NFIA: variants seen among roughly 807,000 people sequenced by gnomAD.
NFIA encodes nuclear factor I A, also known as nuclear factor 1 A-type.
In NFIA, 8 loss-of-function variants were observed where a neutral mutation model predicts 62.8. The observed-to-expected ratio is 0.13, with a 90% CI of 0.07 to 0.23. The LOEUF is 0.23. NFIA is among the 10% of genes least tolerant of loss of function. The pLI is 1.00. For synonymous variants in NFIA, 235 were observed against 238.1 expected, an observed-to-expected ratio of 0.99 and a Z score of 0.12; for missense variants, 410 against 642.1, an observed-to-expected ratio of 0.64 and a Z score of 3.91.
chr1:61,401,768 TGGG>T (rs1665567074), intron 7 of NFIA, among the ~76,000 whole-genome samples: 1 of 152,160 alleles, frequency 6.6e-6, no homozygotes, highest in Admixed American at 6.5e-5. Context: ...CAGCCTAGTT[TGGG>T]AAATATCACA....
chr1:61,183,613 T>C (rs1354769178), intron 2 of NFIA, among the ~76,000 whole-genome samples: 1 of 152,212 alleles, frequency 6.6e-6, no homozygotes, highest in Non-Finnish European at 1.5e-5. Flanking sequence ...CTTGCTCCTT[T>C]GGCCCCCACT....
intron 3 of NFIA, among the ~76,000 whole-genome samples, chr1:61,286,157 A>G (rs1237071156): frequency 1.3e-5 from 2 of 152,034 alleles, no homozygotes; most frequent in South Asian, 2.1e-4. Context: ...GCCGGGCAGG[A>G]TGGCTCACGC....
chr1:61,157,096 T>C (rs1474550289), intron 2 of NFIA, among the ~76,000 whole-genome samples: 1 of 152,250 alleles, frequency 6.6e-6, no homozygotes, highest in Non-Finnish European at 1.5e-5. Flanking sequence ...GTGACTGTTA[T>C]TTTTCCTAGT....
chr1:61,363,162 A>G (rs560224286), intron 6 of NFIA, among the ~76,000 whole-genome samples: 1 of 152,366 alleles, frequency 6.6e-6, no homozygotes, highest in South Asian at 2.1e-4. Flanking sequence ...AAGCCCACAC[A>G]GATAGTAAAT....
intron 2 of NFIA, among the ~76,000 whole-genome samples, chr1:61,127,772 A>G (rs1366160273): frequency 6.6e-6 from 1 of 152,182 alleles, no homozygotes; most frequent in Non-Finnish European, 1.5e-5. Context: ...GTATCCTTAA[A>G]TTTTTAGTTA....
chr1:61,289,101 T>TTAAGCTCA (rs1658698580), intron 3 of NFIA, among the ~76,000 whole-genome samples: 1 of 152,122 alleles, frequency 6.6e-6, no homozygotes, highest in Admixed American at 6.5e-5. Flanking sequence ...ACCATGCCAA[T>TTAAGCTCA]GGAGAGTCCC....
intron 2 of NFIA, among the ~76,000 whole-genome samples, chr1:61,147,000 T>C (rs1648058755): frequency 6.6e-6 from 1 of 152,126 alleles, no homozygotes; most frequent in South Asian, 2.1e-4. Context: ...GAGCTGTGGA[T>C]TAGTGAATCT....
chr1:61,289,714 TC>T (rs1316090375), intron 3 of NFIA, among the ~76,000 whole-genome samples: 1 of 152,244 alleles, frequency 6.6e-6, no homozygotes, highest in East Asian at 1.9e-4. Flanking sequence ...TAGTTCCTTT[TC>T]CTTCCTCTTG....
intron 6 of NFIA, among the ~76,000 whole-genome samples, chr1:61,361,784 TGTGTGTGTGTG>T (rs1663306330): frequency 2.8e-4 from 1 of 3,568 alleles, no homozygotes; most frequent in African/African-American, 1.0e-3. Context: ...TGGTAAGAGG[TGTGTGTGTGTG>T]TGTGTGTGTG....
chr1:61,172,636 G>T (rs140596940), intron 2 of NFIA, among the ~76,000 whole-genome samples: 54 of 152,294 alleles, frequency 3.5e-4, no homozygotes, highest in African/African-American at 1.2e-3. Flanking sequence ...ACTAGGGAAG[G>T]TCAGCTCTTT....
intron 7 of NFIA, among the ~76,000 whole-genome samples, chr1:61,398,435 A>G (rs553374197): frequency 2.6e-5 from 4 of 152,188 alleles, no homozygotes; most frequent in African/African-American, 9.7e-5. Context: ...TTGATCTCTT[A>G]GAAAATCCCC....
intron 2 of NFIA, among the ~76,000 whole-genome samples, chr1:61,252,230 G>A (rs1401788102): frequency 6.6e-6 from 1 of 152,064 alleles, no homozygotes; most frequent in Non-Finnish European, 1.5e-5. Context: ...TGTTTTCTTT[G>A]TAATATACTG....
chr1:61,206,156 A>G (rs1057195283), intron 2 of NFIA, among the ~76,000 whole-genome samples: 1 of 152,008 alleles, frequency 6.6e-6, no homozygotes, highest in Non-Finnish European at 1.5e-5. Flanking sequence ...CATTTTTAAG[A>G]CAAAATTTTT....
intron 2 of NFIA, among the ~76,000 whole-genome samples, chr1:61,242,395 G>A (rs1655401316): frequency 6.6e-6 from 1 of 152,000 alleles, no homozygotes; most frequent in African/African-American, 2.4e-5. Context: ...CTGAGGAAAT[G>A]GTAATAAGGG....
rs563608695 is a variant in NFIA, at chr1:61,090,819, G to A, written c.559+2139G>A. Among the ~76,000 whole-genome samples, 8 of 152,280 alleles carry A rather than the reference G, an allele frequency of 5.3e-5. No homozygotes were observed. In the East Asian group the frequency reaches 5.8e-4, roughly 11 times the overall value. On this transcript the variant is annotated intron_variant, in intron 2 of 10. Transcript: ENST00000403491. ...CGCAGTAATGGCTGCTTCTCTGTGC[G>A]CGCAACAGGAAGACTGTAAAAGAAA...
chr1:61,152,017 A>T (rs1426481483), intron 2 of NFIA, among the ~76,000 whole-genome samples: 1 of 152,172 alleles, frequency 6.6e-6, no homozygotes, highest in Non-Finnish European at 1.5e-5. Flanking sequence ...CTGTGATAAT[A>T]ACTGAAGATC....
chr1:61,352,353 C>A (rs1224317684), intron 4 of NFIA, 97 bp from the exon 5 acceptor site: 2 of 826,100 alleles, frequency 2.4e-6, no homozygotes, highest in African/African-American at 1.7e-5. Context: ...CATATAAATG[C>A]AAAAAGAAAA....
At chr1:61,257,747 G>T (rs1656504806) in intron 2 of NFIA, among the ~76,000 whole-genome samples, 1 of 151,318 alleles carries the variant, frequency 6.6e-6, no homozygotes, top group Non-Finnish European at 1.5e-5. Flanking sequence ...TCACTCTGTT[G>T]CCAGAACTGG....
At chr1:61,200,014 A>ATG (rs1652323543) in intron 2 of NFIA, among the ~76,000 whole-genome samples, 3 of 3,624 alleles carry the variant, frequency 8.3e-4, no homozygotes, top group Admixed American at 6.6e-3. Context: ...ATATATGTAT[A>ATG]TATATATATA....
Sources: allele counts gnomAD v4.1 joint callset (sites outside exome capture counted in the v4.1 genomes callset), GRCh38; gene constraint gnomAD v4.1.1; transcripts MANE v1.5; gene names NCBI Gene and HGNC (gene_info 2026-07-23, HGNC 2026-07-21).